The following SAP130 variants were observed in gnomAD, a reference collection of about 807,000 sequenced individuals.
SAP130 encodes the protein Sin3A associated protein 130.
SAP130 carries 16 observed loss-of-function variants against 103.2 expected under a neutral mutation model. The observed-to-expected ratio is 0.16, with a 90% CI of 0.10 to 0.24. The LOEUF (loss-of-function observed/expected upper bound fraction) is 0.24, where lower values mean the gene tolerates loss of function less well. SAP130 is among the 10% of genes least tolerant of loss of function. The pLI is 1.00. For synonymous variants in SAP130, 477 were observed against 497.0 expected (o/e 0.96, Z 0.53); for missense variants, 990 against 1,359.7 (o/e 0.73, Z 4.28).
chr2:127,962,990 A>G lies in SAP130; in HGVS notation c.2064-7646T>C, dbSNP rs980144176. 1.9e-4 allele frequency among the ~76,000 whole-genome samples: 28 copies of G among 149,604 alleles called. 1 individual carries two copies. In the East Asian group the frequency reaches 5.1e-3, roughly 27 times the overall value. On this transcript the variant is annotated intron_variant, in intron 15 of 20. Coordinates refer to ENST00000643581, the MANE Select transcript of SAP130 (RefSeq NM_001330301.2). ...CTTCAAAGAAACTGAATAAAAATAA[A>G]TTGTATATAAATGTCTGAAAAAAAA...
intron 2 of SAP130, among the ~76,000 whole-genome samples, chr2:128,020,902 G>T (rs1180368998): frequency 6.6e-6 from 1 of 151,792 alleles, no homozygotes; most frequent in Non-Finnish European, 1.5e-5. Flanking sequence ...AGGCTGAGGC[G>T]GAAGAATCAC....
intron 7 of SAP130, among the ~76,000 whole-genome samples, chr2:128,002,606 T>A (rs1683642606): frequency 1.3e-5 from 2 of 151,914 alleles, no homozygotes. Context: ...AGTACCTCTG[T>A]CCCCAGAAAG....
At chr2:127,988,414 G>C (rs1420663140) in intron 13 of SAP130, among the ~76,000 whole-genome samples, 3 of 138,320 alleles carry the variant, frequency 2.2e-5, no homozygotes, top group Non-Finnish European at 4.6e-5. Flanking sequence ...CAGAGTGAGT[G>C]AGACCTTGTC....
chr2:127,964,977 T>TA (rs1434722848), intron 15 of SAP130, among the ~76,000 whole-genome samples: 1 of 118,462 alleles, frequency 8.4e-6, no homozygotes, highest in Non-Finnish European at 1.7e-5. Context: ...CCAGCCTGGG[T>TA]GACAGAATGA....
chr2:128,020,998 AG>A (rs1206554930), intron 2 of SAP130, among the ~76,000 whole-genome samples: 1 of 152,190 alleles, frequency 6.6e-6, no homozygotes, highest in Non-Finnish European at 1.5e-5. Context: ...TCAAAAAAAA[AG>A]TGAAATGGGA....
chr2:127,991,258 A>G (rs1361401680), intron 12 of SAP130, among the ~76,000 whole-genome samples: 1 of 152,236 alleles, frequency 6.6e-6, no homozygotes, highest in Non-Finnish European at 1.5e-5. Flanking sequence ...TCAAAAAAAA[A>G]GAGACAGACC....
chr2:128,016,459 A>G lies in SAP130; in HGVS notation c.437T>C (p.Val146Ala). The G allele has an allele frequency of 3.1e-6, 5 of 1,613,986 alleles. No individual in the cohort carries two copies. The highest frequency in any genetic ancestry group is 1.3e-5 in the African/African-American group (1 of 74,990). The change falls in exon 4 of 21, where the codon GTT (valine) becomes GCT (alanine). Residue 146 changes from valine (V) to alanine (A), a missense_variant. Transcript: ENST00000643581. ...LSLPPKVPGQ[V>A]TVTMESSIPQ... The stretch of plus-strand genomic sequence containing the variant: ...GATGCTACTCTCCATGGTAACGGTA[A>G]CCTGCCCTGGAACCTTGGGGGGAAG...
intron 18 of SAP130, 145 bp downstream of exon 18, chr2:127,949,720 ATACT>A (rs1379801506): frequency 6.5e-6 from 5 of 766,112 alleles, no homozygotes; most frequent in Non-Finnish European, 8.3e-6. Context: ...TCTACAGGAT[ATACT>A]TAAACACTAA....
intron 18 of SAP130, among the ~76,000 whole-genome samples, chr2:127,947,376 G>A (rs920097019): frequency 1.3e-5 from 2 of 152,180 alleles, no homozygotes; most frequent in African/African-American, 4.8e-5. Flanking sequence ...AACCAGCTTT[G>A]CACAGCAAGA....
At chr2:127,982,982 T>C (rs1682060759) in intron 14 of SAP130, among the ~76,000 whole-genome samples, 1 of 152,120 alleles carries the variant, frequency 6.6e-6, no homozygotes, top group African/African-American at 2.4e-5. Flanking sequence ...TCACTGAGCT[T>C]ATGTGCTAAG....
At chr2:127,969,984 C>T (rs1051763083) in intron 15 of SAP130, among the ~76,000 whole-genome samples, 3 of 152,182 alleles carry the variant, frequency 2.0e-5, no homozygotes, top group East Asian at 1.9e-4. Context: ...AATACCAGCA[C>T]TCTGGGAGGC....
At chr2:127,945,371 CT>C in intron 19 of SAP130, 84 bp downstream of exon 19, 1 of 811,978 alleles carries the variant, frequency 1.2e-6, no homozygotes. Flanking sequence ...TTCAGAGTTA[CT>C]TTTAAAAAGT....
chr2:127,965,076 C>T (rs1213511074), intron 15 of SAP130, among the ~76,000 whole-genome samples: 6 of 150,222 alleles, frequency 4.0e-5, no homozygotes, highest in East Asian at 3.9e-4. Flanking sequence ...GTGGGCAGAT[C>T]GCGAGGTCAG....
chr2:128,026,600 C>T (rs1685515280), intron 1 of SAP130, among the ~76,000 whole-genome samples: 1 of 152,116 alleles, frequency 6.6e-6, no homozygotes, highest in South Asian at 2.1e-4. Context: ...ACAGGTATTA[C>T]CACAATGCAT....
intron 2 of SAP130, among the ~76,000 whole-genome samples, chr2:128,024,988 T>G (rs1573869627): frequency 1.7e-5 from 2 of 120,542 alleles, no homozygotes; most frequent in Admixed American, 1.0e-4. Context: ...AGTGACAGAG[T>G]GAGACCCTAT....
chr2:128,011,746 T>A (rs1684410691), intron 6 of SAP130, among the ~76,000 whole-genome samples: 1 of 152,230 alleles, frequency 6.6e-6, no homozygotes, highest in East Asian at 1.9e-4. Flanking sequence ...GTTTCATACA[T>A]CTGTCTGTCC....
intron 6 of SAP130, among the ~76,000 whole-genome samples, chr2:128,012,055 C>T (rs1441966713): frequency 6.6e-6 from 1 of 152,182 alleles, no homozygotes; most frequent in African/African-American, 2.4e-5. Context: ...CTCAGACAAT[C>T]CGCCCGCCTT....
chr2:127,970,763 G>A (rs541680281), intron 15 of SAP130, among the ~76,000 whole-genome samples: 3 of 152,010 alleles, frequency 2.0e-5, no homozygotes, highest in African/African-American at 7.2e-5. Flanking sequence ...TACTCCAGTA[G>A]GGCTTCATCT....
At chr2:127,995,293 T>TA (rs11450318) in intron 11 of SAP130, among the ~76,000 whole-genome samples, 2,013 of 152,166 alleles carry the variant, frequency 0.013, 35 homozygotes, top group African/African-American at 0.047. Flanking sequence ...GCCAGACAGA[T>TA]AAAGTTCAAT....
Sources: allele counts gnomAD v4.1 joint callset (sites outside exome capture counted in the v4.1 genomes callset), GRCh38; gene constraint gnomAD v4.1.1; transcripts MANE v1.5; gene names NCBI Gene and HGNC (gene_info 2026-07-23, HGNC 2026-07-21).